The following ADAMTS19 variants were observed in gnomAD, a reference collection of about 807,000 sequenced individuals.
ADAMTS19 encodes the protein A disintegrin and metalloproteinase with thrombospondin motifs 19.
A neutral mutation model predicts 153.3 loss-of-function variants in ADAMTS19; 93 were observed. The ratio of observed to expected loss-of-function variants is 0.61; its 90% CI spans 0.51 to 0.72. ADAMTS19 has a LOEUF of 0.72. Among genes scored for constraint, ADAMTS19 ranks in the 30% least tolerant of loss-of-function variants. ADAMTS19 has a pLI of 0.00. For synonymous variants in ADAMTS19, 600 were observed against 556.6 expected, an observed-to-expected ratio of 1.08 and a Z score of -1.10; for missense variants, 1,482 against 1,552.1, an observed-to-expected ratio of 0.95 and a Z score of 0.76.
intron 11 of ADAMTS19, among the ~76,000 whole-genome samples, chr5:129,642,385 T>A (rs939294651): frequency 6.6e-6 from 1 of 152,134 alleles, no homozygotes; most frequent in Non-Finnish European, 1.5e-5. Context: ...AATATAATAA[T>A]CATCCATAAA....
rs566298751 is a variant in ADAMTS19, at chr5:129,521,481, C to T, written c.914-4803C>T. 6.2e-4 allele frequency among the ~76,000 whole-genome samples: 95 copies of T among 152,232 alleles called. 1 individual carries two copies. The highest frequency in any genetic ancestry group is 2.0e-3 in the African/African-American group (83 of 41,546). ...ATTCCTATTCATATACAATTTTTAT[C>T]TATACAACAAATAAGTAGAAAAGTA... On this transcript the variant is annotated intron_variant, in intron 3 of 22. Transcript: ENST00000274487.
chr5:129,485,783 T>C (rs952154939), intron 2 of ADAMTS19, among the ~76,000 whole-genome samples: 1 of 152,062 alleles, frequency 6.6e-6, no homozygotes, highest in Non-Finnish European at 1.5e-5. Context: ...TCTAATTGAA[T>C]GTGTTCATTT....
chr5:129,584,593 C>A (rs1007957293), intron 7 of ADAMTS19, among the ~76,000 whole-genome samples: 1 of 152,166 alleles, frequency 6.6e-6, no homozygotes, highest in African/African-American at 2.4e-5. Flanking sequence ...GATGCCCTGC[C>A]TAGAGACGAG....
intron 10 of ADAMTS19, among the ~76,000 whole-genome samples, chr5:129,638,509 C>T (rs1285071421): frequency 6.6e-6 from 1 of 151,354 alleles, no homozygotes; most frequent in Non-Finnish European, 1.5e-5. Context: ...AATTAGAATT[C>T]AGCTTTATTT....
intron 18 of ADAMTS19, among the ~76,000 whole-genome samples, chr5:129,694,273 T>C (rs769269719): frequency 8.5e-5 from 13 of 152,158 alleles, no homozygotes; most frequent in Non-Finnish European, 1.9e-4. Context: ...TCTTCATTGT[T>C]CTAAAATTTG....
In ADAMTS19 at chr5:129,596,555, T is replaced by G; in HGVS notation, c.1373-4T>G. ...ATATAATAATTAATGTTTGTATTTT[T>G]TAGGTATAGCTTACTTGAGTGGAAT... On this transcript the variant is annotated splice_region_variant and splice_polypyrimidine_tract_variant and intron_variant, in intron 7 of 22. Coordinates refer to ENST00000274487, the MANE Select transcript of ADAMTS19 (RefSeq NM_133638.6). 1.3e-6 allele frequency: 2 copies of G among 1,554,844 alleles called. No individual in the cohort carries two copies. Among genetic ancestry groups the G allele is most frequent in the Non-Finnish European group, 1.8e-6 (2 of 1,140,738 alleles).
chr5:129,469,044 TG>T (rs1269249739), intron 2 of ADAMTS19, among the ~76,000 whole-genome samples: 7 of 152,192 alleles, frequency 4.6e-5, no homozygotes, highest in Non-Finnish European at 1.0e-4. Context: ...CCTAAAGTGC[TG>T]GGATTACAGG....
At chr5:129,542,710 G>T (rs1752698499) in intron 6 of ADAMTS19, among the ~76,000 whole-genome samples, 1 of 151,592 alleles carries the variant, frequency 6.6e-6, no homozygotes, top group Non-Finnish European at 1.5e-5. Context: ...CTCTAATTTT[G>T]GTACATATTT....
chr5:129,711,333 G>A (rs772703808), intron 21 of ADAMTS19, among the ~76,000 whole-genome samples: 1 of 152,136 alleles, frequency 6.6e-6, no homozygotes, highest in Non-Finnish European at 1.5e-5. Flanking sequence ...ATTGGTATAT[G>A]CCAGAGGCCT....
At chr5:129,471,131 G>C (rs1444014879) in intron 2 of ADAMTS19, among the ~76,000 whole-genome samples, 1 of 151,670 alleles carries the variant, frequency 6.6e-6, no homozygotes, top group Non-Finnish European at 1.5e-5. Flanking sequence ...AGAGGTAGTT[G>C]GTAGAGGAAG....
intron 10 of ADAMTS19, among the ~76,000 whole-genome samples, chr5:129,627,766 G>GCTA (rs1033444507): frequency 4.3e-4 from 65 of 152,148 alleles, no homozygotes; most frequent in African/African-American, 1.5e-3. Flanking sequence ...AGTCAGAATG[G>GCTA]CTATTATTAG....
chr5:129,597,346 T>G (rs1178953350), intron 8 of ADAMTS19, among the ~76,000 whole-genome samples: 3 of 152,104 alleles, frequency 2.0e-5, no homozygotes, highest in African/African-American at 7.2e-5. Context: ...CACAACAATT[T>G]TGTGATGTGT....
intron 21 of ADAMTS19, among the ~76,000 whole-genome samples, chr5:129,715,087 T>C (rs1756665795): frequency 6.6e-6 from 1 of 152,222 alleles, no homozygotes; most frequent in African/African-American, 2.4e-5. Flanking sequence ...ATCATAGGTT[T>C]GTTAATCATA....
At chr5:129,635,364 T>TA (rs1284702243) in intron 10 of ADAMTS19, among the ~76,000 whole-genome samples, 7 of 152,160 alleles carry the variant, frequency 4.6e-5, no homozygotes, top group African/African-American at 1.7e-4. Context: ...CTCAAAGAGC[T>TA]AAAAACAGAA....
intron 7 of ADAMTS19, among the ~76,000 whole-genome samples, chr5:129,568,956 C>T (rs1439891456): frequency 6.6e-6 from 1 of 151,672 alleles, no homozygotes; most frequent in African/African-American, 2.4e-5. Context: ...AAATGTTAGG[C>T]CCAAATTTTC....
At chr5:129,475,822 A>G (rs1161701586) in intron 2 of ADAMTS19, among the ~76,000 whole-genome samples, 1 of 152,074 alleles carries the variant, frequency 6.6e-6, no homozygotes, top group East Asian at 1.9e-4. Context: ...GACAGAGGAG[A>G]CTCCATCTCA....
chr5:129,518,948 CTTTT>C (rs776943825), intron 3 of ADAMTS19, among the ~76,000 whole-genome samples: 11 of 151,960 alleles, frequency 7.2e-5, no homozygotes, highest in South Asian at 2.1e-4. Context: ...CTAATTCTTT[CTTTT>C]GTTTGTTCAA....
chr5:129,571,454 T>A (rs1990875), intron 7 of ADAMTS19, among the ~76,000 whole-genome samples: 77,105 of 151,058 alleles, frequency 0.51, 22,767 homozygotes, highest in Non-Finnish European at 0.66. Context: ...ATGAAATATG[T>A]AGGTATAAAT....
chr5:129,727,489 T>C (rs568793209), intron 21 of ADAMTS19, among the ~76,000 whole-genome samples: 12 of 152,318 alleles, frequency 7.9e-5, no homozygotes, highest in South Asian at 4.1e-4. Context: ...AACATGGCAG[T>C]ATGTGGAAAA....
Sources: allele counts gnomAD v4.1 joint callset (sites outside exome capture counted in the v4.1 genomes callset), GRCh38; gene constraint gnomAD v4.1.1; transcripts MANE v1.5; gene names NCBI Gene and HGNC (gene_info 2026-07-23, HGNC 2026-07-21).